The following MOSMO variants were observed in gnomAD, a reference collection of about 807,000 sequenced individuals.
MOSMO encodes modulator of smoothened, also known as modulator of smoothened protein.
A neutral mutation model predicts 18.4 loss-of-function variants in MOSMO; 5 were observed. The ratio of observed to expected loss-of-function variants is 0.27; its 90% CI spans 0.14 to 0.57. The LOEUF (loss-of-function observed/expected upper bound fraction) is 0.57. Ranked by LOEUF, MOSMO falls within the 20% of genes least tolerant of loss-of-function variation. The pLI is 0.92. For missense variants in MOSMO, 138 were observed against 211.8 expected, an observed-to-expected ratio of 0.65 and a Z score of 2.16; for synonymous variants, 82 against 82.3, an observed-to-expected ratio of 1.00 and a Z score of 0.02.
chr16:22,077,711 C>G (rs1900997465), intron 2 of MOSMO, among the ~76,000 whole-genome samples: 2 of 152,040 alleles, frequency 1.3e-5, no homozygotes, highest in Non-Finnish European at 2.9e-5. Flanking sequence ...CGTGACAGCC[C>G]CACCGAGGAC....
intron 1 of MOSMO, among the ~76,000 whole-genome samples, chr16:22,017,000 G>C (rs992917283): frequency 2.0e-5 from 3 of 152,138 alleles, no homozygotes; most frequent in African/African-American, 7.2e-5. Flanking sequence ...ATATGAGATA[G>C]TTGGTTCTTT....
chr16:22,013,858 GT>G (rs1193444835), intron 1 of MOSMO, among the ~76,000 whole-genome samples: 1 of 150,006 alleles, frequency 6.7e-6, no homozygotes, highest in Non-Finnish European at 1.5e-5. Flanking sequence ...TTTTAAAATT[GT>G]CTAGATGGGA....
At chr16:22,074,238 C>T (rs985954328) in intron 1 of MOSMO, among the ~76,000 whole-genome samples, 5 of 152,200 alleles carry the variant, frequency 3.3e-5, no homozygotes, top group Non-Finnish European at 2.9e-5. Context: ...GCTATGATTT[C>T]GAGGTCAATG....
chr16:22,046,452 T>G (rs1900311092), intron 1 of MOSMO, among the ~76,000 whole-genome samples: 1 of 152,098 alleles, frequency 6.6e-6, no homozygotes, highest in South Asian at 2.1e-4. Flanking sequence ...GACATATTAT[T>G]TAATATGTAT....
At chr16:22,015,909 T>G (rs1002704789) in intron 1 of MOSMO, among the ~76,000 whole-genome samples, 4 of 152,068 alleles carry the variant, frequency 2.6e-5, no homozygotes, top group Non-Finnish European at 5.9e-5. Flanking sequence ...AGAAGGAAAT[T>G]CAGAAGAAAA....
At chr16:22,042,836 A>G (rs1567506508) in intron 1 of MOSMO, among the ~76,000 whole-genome samples, 1 of 152,216 alleles carries the variant, frequency 6.6e-6, no homozygotes, top group Admixed American at 6.5e-5. Flanking sequence ...CTCTTAATAT[A>G]TGCAACAACT....
chr16:22,070,766 A>G (rs1900832877), intron 1 of MOSMO, among the ~76,000 whole-genome samples: 1 of 152,142 alleles, frequency 6.6e-6, no homozygotes, highest in Non-Finnish European at 1.5e-5. Context: ...TTTCTAGAGG[A>G]AAAAATTAGG....
At chr16:22,017,998 A>G (rs1337791496) in intron 1 of MOSMO, among the ~76,000 whole-genome samples, 1 of 152,128 alleles carries the variant, frequency 6.6e-6, no homozygotes, top group Non-Finnish European at 1.5e-5. Flanking sequence ...GTGTGACTCC[A>G]GTTCACTTTT....
At chr16:22,025,314 T>TA (rs1279675480) in intron 1 of MOSMO, among the ~76,000 whole-genome samples, 2 of 152,146 alleles carry the variant, frequency 1.3e-5, no homozygotes, top group Non-Finnish European at 2.9e-5. Flanking sequence ...TGAAGATCCT[T>TA]AGCTATAGTC....
At chr16:22,062,422 A>G (rs936677087) in intron 1 of MOSMO, among the ~76,000 whole-genome samples, 1 of 152,076 alleles carries the variant, frequency 6.6e-6, no homozygotes, top group East Asian at 1.9e-4. Context: ...TTCTGAGCTC[A>G]AGCAATCCTC....
At chr16:22,050,111 C>T (rs1900393035) in intron 1 of MOSMO, among the ~76,000 whole-genome samples, 1 of 152,164 alleles carries the variant, frequency 6.6e-6, no homozygotes, top group Non-Finnish European at 1.5e-5. Flanking sequence ...AGTGAATTGA[C>T]TTGGATCCTG....
At chr16:22,046,982 A>G (rs1233875298) in intron 1 of MOSMO, among the ~76,000 whole-genome samples, 1 of 152,140 alleles carries the variant, frequency 6.6e-6, no homozygotes, top group Non-Finnish European at 1.5e-5. Context: ...TTTAAAATGA[A>G]AAGTTAAAAT....
intron 1 of MOSMO, among the ~76,000 whole-genome samples, chr16:22,046,092 T>G (rs1484895637): frequency 7.0e-6 from 1 of 143,884 alleles, no homozygotes. Context: ...GTGTTCTCAT[T>G]GTTCAATTCC....
chr16:22,049,412 G>T (rs1900379739), intron 1 of MOSMO, among the ~76,000 whole-genome samples: 1 of 152,080 alleles, frequency 6.6e-6, no homozygotes, highest in Non-Finnish European at 1.5e-5. Context: ...TTGCTATGTT[G>T]CCCAGGCTGG....
chr16:22,072,828 A>G (rs1252866430), intron 1 of MOSMO, among the ~76,000 whole-genome samples: 3 of 150,834 alleles, frequency 2.0e-5, no homozygotes, highest in African/African-American at 7.3e-5. Context: ...AAAAAAGTGT[A>G]TTGATTTTCT....
intron 1 of MOSMO, among the ~76,000 whole-genome samples, chr16:22,050,645 C>G (rs1279581959): frequency 6.6e-6 from 1 of 152,070 alleles, no homozygotes; most frequent in Non-Finnish European, 1.5e-5. Context: ...ATCCCAGCTA[C>G]TTGGGAGGCT....
intron 1 of MOSMO, among the ~76,000 whole-genome samples, chr16:22,074,443 A>G (rs1205734086): frequency 6.6e-6 from 1 of 152,122 alleles, no homozygotes; most frequent in African/African-American, 2.4e-5. Flanking sequence ...CCCAAAATGC[A>G]AAAATCTGTT....
intron 1 of MOSMO, among the ~76,000 whole-genome samples, chr16:22,066,896 G>A (rs148454943): frequency 7.9e-5 from 12 of 152,224 alleles, no homozygotes; most frequent in East Asian, 5.8e-4. Context: ...AAATAAAAGC[G>A]TTCAATAGAA....
chr16:22,069,667 G>A (rs1567513720), intron 1 of MOSMO, among the ~76,000 whole-genome samples: 1 of 152,136 alleles, frequency 6.6e-6, no homozygotes, highest in Non-Finnish European at 1.5e-5. Flanking sequence ...GAGTGAGTGA[G>A]CTTCACAAGA....
Sources: gnomAD v4.1 joint callset for allele counts (sites outside exome capture counted in the v4.1 genomes callset) on GRCh38, gnomAD v4.1.1 for gene constraint, MANE v1.5 for transcripts, NCBI Gene and HGNC (gene_info 2026-07-23, HGNC 2026-07-21) for gene names.